Variants in ANO3 observed in about 807,000 individuals in gnomAD.
ANO3 encodes anoctamin 3.
Under a neutral mutation model 144.8 loss-of-function variants are expected in ANO3, and 99 were observed. That is an observed-to-expected ratio of 0.68 (90% CI 0.58 to 0.81). ANO3 has a LOEUF of 0.81. Ranked by LOEUF, ANO3 falls within the 30% of genes least tolerant of loss-of-function variation. The pLI, the probability that ANO3 is intolerant of heterozygous loss-of-function variation, is 0.00. For missense variants in ANO3, 905 were observed against 1,202.2 expected, an observed-to-expected ratio of 0.75 and a Z score of 3.66; for synonymous variants, 414 against 392.6, an observed-to-expected ratio of 1.05 and a Z score of -0.64.
At chr11:26,639,911 C>A (rs1171406343) in intron 21 of ANO3, among the ~76,000 whole-genome samples, 2 of 152,094 alleles carry the variant, frequency 1.3e-5, no homozygotes, top group Admixed American at 6.6e-5. Context: ...TGAGTCTAAT[C>A]AACTAAAAAC....
chr11:26,469,408 A>C (rs1447320820), intron 4 of ANO3, among the ~76,000 whole-genome samples: 1 of 151,966 alleles, frequency 6.6e-6, no homozygotes, highest in Non-Finnish European at 1.5e-5. Context: ...AATATTAATC[A>C]TTTAAAAACA....
chr11:26,298,570 A>G (rs904624795), intron 1 of ANO3, among the ~76,000 whole-genome samples: 4 of 152,214 alleles, frequency 2.6e-5, no homozygotes, highest in African/African-American at 7.2e-5. Context: ...TACTCTGAGT[A>G]AAGTGGGGCT....
At chr11:26,310,602 A>G (rs1409882737) in intron 1 of ANO3, among the ~76,000 whole-genome samples, 1 of 152,186 alleles carries the variant, frequency 6.6e-6, no homozygotes, top group Non-Finnish European at 1.5e-5. Context: ...ATTCTGGCAT[A>G]AATCTCTGGT....
At chr11:26,511,011 C>T (rs185475080) in intron 5 of ANO3, among the ~76,000 whole-genome samples, 2 of 152,304 alleles carry the variant, frequency 1.3e-5, no homozygotes, top group East Asian at 3.9e-4. Flanking sequence ...AGAGGGTTCT[C>T]ATCCACAATT....
chr11:26,500,801 A>G (rs987494990), intron 4 of ANO3, among the ~76,000 whole-genome samples: 3 of 151,832 alleles, frequency 2.0e-5, no homozygotes, highest in African/African-American at 7.2e-5. Flanking sequence ...ACCACCAAAA[A>G]AAGAAAAACA....
At chr11:26,236,722 G>A (rs910166554) in intron 1 of ANO3, among the ~76,000 whole-genome samples, 7 of 150,878 alleles carry the variant, frequency 4.6e-5, no homozygotes, top group Admixed American at 6.6e-5. Context: ...GGAGGCTGAG[G>A]CAGGAGAATG....
chr11:26,289,441 AAT>A (rs201993311), intron 1 of ANO3, among the ~76,000 whole-genome samples: 1 of 149,190 alleles, frequency 6.7e-6, no homozygotes, highest in African/African-American at 2.4e-5. Flanking sequence ...AATAATCCTT[AAT>A]ATATATATAG....
At chr11:26,278,427 T>G (rs1180277852) in intron 1 of ANO3, among the ~76,000 whole-genome samples, 5 of 152,166 alleles carry the variant, frequency 3.3e-5, no homozygotes, top group Non-Finnish European at 5.9e-5. Flanking sequence ...TAATGACTCA[T>G]TACAGAATAT....
intron 4 of ANO3, among the ~76,000 whole-genome samples, chr11:26,478,972 A>C (rs1462496656): frequency 6.6e-6 from 1 of 152,194 alleles, no homozygotes; most frequent in African/African-American, 2.4e-5. Flanking sequence ...TCCTTTGCTT[A>C]AATAAAGTCT....
intron 22 of ANO3, 28 bp from the exon 23 acceptor site, chr11:26,643,154 G>A (rs1853224923): frequency 6.2e-7 from 1 of 1,609,204 alleles, no homozygotes; most frequent in South Asian, 1.1e-5. Context: ...AGTTTATATA[G>A]TAATTTCCTA....
intron 1 of ANO3, among the ~76,000 whole-genome samples, chr11:26,213,308 C>T (rs71480112): frequency 0.3 from 45,962 of 151,800 alleles, 7,696 homozygotes; most frequent in Non-Finnish European, 0.37. Flanking sequence ...CATAAATAAA[C>T]GGTATTCAAA....
In ANO3 at chr11:26,520,529, A is replaced by G. The variant is rs1466167587; in HGVS notation, c.692+3602A>G. On this transcript the variant is annotated intron_variant, in intron 6 of 26. Coordinates refer to ENST00000256737, the MANE Select transcript of ANO3 (RefSeq NM_031418.4). The stretch of plus-strand genomic sequence containing the variant: ...AATACCGTGGAAATTCTCATGATTT[A>G]CCAATAAAAATATTTTAAAATATGC... 2.6e-5 allele frequency among the ~76,000 whole-genome samples: 4 copies of G among 152,194 alleles called. No homozygotes were observed. In the East Asian group the frequency reaches 7.7e-4, roughly 29 times the overall value.
rs371130676 is a variant in ANO3 at position 26,403,486 on chromosome 11, C to T, written c.47-38432C>T. Among the ~76,000 whole-genome samples, 6 of 151,926 alleles carry T rather than the reference C, an allele frequency of 3.9e-5. No individual in the cohort carries two copies. The East Asian group carries it at 7.8e-4, about 20-fold the overall frequency. ...TTTCAAATTGCAGCTTGAATAGGAC[C>T]TTTTTACTGCACCTCCTTCACTACC... On this transcript the variant is annotated intron_variant, in intron 1 of 26. Transcript: ENST00000256737.
chr11:26,338,063 CAA>C (rs973750300), intron 1 of ANO3, among the ~76,000 whole-genome samples: 1 of 151,444 alleles, frequency 6.6e-6, no homozygotes, highest in African/African-American at 2.4e-5. Context: ...CTTTTCTGAG[CAA>C]AGTTTCAGGA....
chr11:26,520,510 G>A (rs431479), intron 6 of ANO3, among the ~76,000 whole-genome samples: 120,750 of 152,052 alleles, frequency 0.79, 48,102 homozygotes, highest in East Asian at 0.85. Context: ...AGAAAATACC[G>A]TGGAAATTCT....
Position 26,227,401 on chromosome 11 carries a change from G to A in ANO3, c.154+38071G>A, listed in dbSNP as rs113104587. Among the ~76,000 whole-genome samples the A allele has an allele frequency of 5.4e-3, 827 of 152,204 alleles. 7 individuals are homozygous for A. Among genetic ancestry groups the A allele is most frequent in the Middle Eastern group, 0.01 (3 of 294 alleles). On this transcript the variant is annotated intron_variant, in intron 1 of 27. Transcript: ENST00000672621. The stretch of plus-strand genomic sequence containing the variant: ...AACTGCTTTATAATGTGAAAGTAAC[G>A]GCTTGATTGTCTATGTAATACCACC...
At chr11:26,199,926 A>G (rs1318255997) in intron 1 of ANO3, among the ~76,000 whole-genome samples, 1 of 152,190 alleles carries the variant, frequency 6.6e-6, no homozygotes, top group Non-Finnish European at 1.5e-5. Flanking sequence ...AGCCTGACTA[A>G]TTTATGACCA....
At chr11:26,371,259 T>A (rs1014840039) in intron 1 of ANO3, among the ~76,000 whole-genome samples, 5 of 152,218 alleles carry the variant, frequency 3.3e-5, no homozygotes, top group African/African-American at 1.2e-4. Context: ...GCCCCAAGCC[T>A]TGGCAGCTGC....
chr11:26,401,473 C>T (rs923355282), intron 1 of ANO3, among the ~76,000 whole-genome samples: 1 of 152,034 alleles, frequency 6.6e-6, no homozygotes, highest in African/African-American at 2.4e-5. Flanking sequence ...TTTGCTTTTA[C>T]AGCTCTATGG....
Sources: allele counts gnomAD v4.1 joint callset (sites outside exome capture counted in the v4.1 genomes callset), GRCh38; gene constraint gnomAD v4.1.1; transcripts MANE v1.5; gene names NCBI Gene and HGNC (gene_info 2026-07-23, HGNC 2026-07-21).